Variants in RAP1GAP2 observed in about 807,000 individuals in gnomAD.
The protein encoded by RAP1GAP2 is rap1 GTPase-activating protein 2.
Under a neutral mutation model 95.0 loss-of-function variants are expected in RAP1GAP2, and 27 were observed. The ratio of observed to expected loss-of-function variants is 0.28; its 90% confidence interval spans 0.21 to 0.39. The LOEUF is 0.39. Ranked by LOEUF, RAP1GAP2 falls within the 10% of genes least tolerant of loss-of-function variation. RAP1GAP2 has a pLI of 1.00. For missense variants in RAP1GAP2, 771 were observed against 970.0 expected (o/e 0.79, Z 2.72); for synonymous variants, 373 against 380.9 (o/e 0.98, Z 0.24).
chr17:2,997,331 C>T (rs1224026577), intron 13 of RAP1GAP2, among the ~76,000 whole-genome samples: 2 of 152,190 alleles, frequency 1.3e-5, no homozygotes, highest in African/African-American at 4.8e-5. Context: ...AGGTTGCTTT[C>T]CAGCCCTGTA....
chr17:2,813,160 C>T (rs1467727103), intron 2 of RAP1GAP2, among the ~76,000 whole-genome samples: 1 of 151,634 alleles, frequency 6.6e-6, no homozygotes, highest in Non-Finnish European at 1.5e-5. Context: ...CAACCTCCGC[C>T]TCCCAGGTTC....
intron 3 of RAP1GAP2, among the ~76,000 whole-genome samples, chr17:2,934,867 T>C (rs1486285472): frequency 2.0e-5 from 3 of 152,204 alleles, no homozygotes; most frequent in Admixed American, 1.3e-4. Flanking sequence ...GTGTGCAGTT[T>C]AGAGGAAAGA....
intron 14 of RAP1GAP2, among the ~76,000 whole-genome samples, chr17:3,002,350 G>A (rs890052674): frequency 1.3e-5 from 2 of 152,226 alleles, no homozygotes; most frequent in African/African-American, 4.8e-5. Flanking sequence ...CGGAGGAGCA[G>A]GCTGTGGTAC....
Position 2,965,700 on chromosome 17 carries a change from G to C in RAP1GAP2, c.596+57G>C. 7.6e-7 allele frequency: 1 copy of C among 1,310,364 alleles called. No individual in the cohort carries two copies. Among genetic ancestry groups the C allele is most frequent in the South Asian group, 1.3e-5 (1 of 79,818 alleles). The allele number at this position is 1,310,364 out of a possible 1,614,324, so 81.2% of individuals were successfully genotyped here. A position where few individuals can be genotyped will look rare whatever the true frequency, so the allele number is the denominator to read the frequency against. On this transcript the variant is annotated intron_variant, in intron 8 of 24. Transcript: ENST00000254695. The surrounding 1 kb of genome is among the most constrained non-coding windows in gnomAD (Gnocchi z 4.7). ...TCTTCCAGGCAGGGCTCTCATCGGT[G>C]GTGTGGGGGCTGGGATGGGACTCAG...
chr17:3,014,277 G>GT (rs2046679366), intron 17 of RAP1GAP2, among the ~76,000 whole-genome samples: 1 of 152,248 alleles, frequency 6.6e-6, no homozygotes, highest in African/African-American at 2.4e-5. Flanking sequence ...TTACAAAGCT[G>GT]TGCAGCAGGT....
chr17:2,920,148 G>A (rs1008207120), intron 3 of RAP1GAP2, among the ~76,000 whole-genome samples: 1 of 152,104 alleles, frequency 6.6e-6, no homozygotes, highest in African/African-American at 2.4e-5. Flanking sequence ...GGGACCACAG[G>A]TGTGCACCAC....
At chr17:2,770,243 G>A in intron 1 of RAP1GAP2, 1 of 398,110 alleles carries the variant, frequency 2.5e-6, no homozygotes, top group East Asian at 3.6e-5. Context: ...GTACCCCTCA[G>A]CAATTCTCCG....
intron 17 of RAP1GAP2, among the ~76,000 whole-genome samples, chr17:3,015,643 G>T (rs1256325089): frequency 6.6e-6 from 1 of 151,932 alleles, no homozygotes; most frequent in Admixed American, 6.6e-5. Context: ...ACAGTGAACC[G>T]CCATCTCTAC....
intron 2 of RAP1GAP2, among the ~76,000 whole-genome samples, chr17:2,877,823 A>G (rs1297452463): frequency 6.6e-6 from 1 of 152,154 alleles, no homozygotes; most frequent in Non-Finnish European, 1.5e-5. Context: ...AGCCATTTCA[A>G]GGCCTTAGAT....
At chr17:2,978,987 G>A (rs1376171591) in intron 8 of RAP1GAP2, among the ~76,000 whole-genome samples, 1 of 133,052 alleles carries the variant, frequency 7.5e-6, no homozygotes. Context: ...GTCTCAAATA[G>A]ATAAATAAAT....
At chr17:2,767,993 A>C (rs546014033) in intron 1 of RAP1GAP2, among the ~76,000 whole-genome samples, 2 of 152,088 alleles carry the variant, frequency 1.3e-5, no homozygotes, top group Non-Finnish European at 2.9e-5. Flanking sequence ...CGGCCTCCCA[A>C]AGTGCTGGGA....
intron 3 of RAP1GAP2, among the ~76,000 whole-genome samples, chr17:2,914,544 G>C (rs990308441): frequency 2.0e-5 from 3 of 152,090 alleles, no homozygotes; most frequent in Non-Finnish European, 4.4e-5. Flanking sequence ...AGGCTGGAGT[G>C]CAGTGGCCCG....
At position 2,870,567 on chromosome 17, in the gene RAP1GAP2, A is replaced by T. The variant is rs2072802242; in HGVS notation, c.81-34717A>T. On this transcript the variant is annotated intron_variant, in intron 2 of 24. Coordinates refer to ENST00000254695, the MANE Select transcript of RAP1GAP2 (RefSeq NM_015085.5). This position sits in a 1 kb window ranked among gnomAD's most constrained non-coding sequence, Gnocchi z 4.4. ...GACTGTAGAGATATTAACGTTTAATATTTTTTTTGTGGTCTTTTTTTTCTA... is the reference window on the plus strand; with the variant it reads ...GACTGTAGAGATATTAACGTTTAATTTTTTTTTTGTGGTCTTTTTTTTCTA... Among the ~76,000 whole-genome samples the T allele has an allele frequency of 1.3e-5, 2 of 152,078 alleles. No homozygotes were observed. Among genetic ancestry groups the T allele is most frequent in the Non-Finnish European group, 2.9e-5 (2 of 68,000 alleles).
intron 2 of RAP1GAP2, among the ~76,000 whole-genome samples, chr17:2,806,353 G>C (rs1003651408): frequency 2.2e-5 from 3 of 139,268 alleles, no homozygotes; most frequent in African/African-American, 8.6e-5. Flanking sequence ...CAGGAAGCTT[G>C]ATTTCTTCTC....
At chr17:2,850,146 A>T (rs1029828924) in intron 2 of RAP1GAP2, among the ~76,000 whole-genome samples, 2 of 150,630 alleles carry the variant, frequency 1.3e-5, no homozygotes, top group Non-Finnish European at 3.0e-5. Context: ...GATTACAGGC[A>T]CCCGCCACCA....
intron 14 of RAP1GAP2, among the ~76,000 whole-genome samples, chr17:3,000,137 CG>C (rs1355557922): frequency 6.6e-6 from 1 of 152,100 alleles, no homozygotes; most frequent in Non-Finnish European, 1.5e-5. Flanking sequence ...TTAGTAGAGA[CG>C]GGGTTTCTCC....
At chr17:2,986,330 A>G (rs771401133) in intron 11 of RAP1GAP2, among the ~76,000 whole-genome samples, 2 of 152,198 alleles carry the variant, frequency 1.3e-5, no homozygotes, top group Non-Finnish European at 2.9e-5. Context: ...TTCACATATT[A>G]CATTTTTATT....
intron 2 of RAP1GAP2, among the ~76,000 whole-genome samples, chr17:2,877,359 G>T (rs535539304): frequency 6.6e-6 from 1 of 152,168 alleles, no homozygotes; most frequent in Non-Finnish European, 1.5e-5. Context: ...GCCTCCCTGC[G>T]GCCATGTTTT....
At chr17:2,944,412 G>A (rs898179771) in intron 3 of RAP1GAP2, among the ~76,000 whole-genome samples, 3 of 152,172 alleles carry the variant, frequency 2.0e-5, no homozygotes, top group African/African-American at 4.8e-5. Flanking sequence ...CCCTAGGATT[G>A]GTCTTGGCAA....
Sources: gnomAD v4.1 joint callset for allele counts (sites outside exome capture counted in the v4.1 genomes callset) on GRCh38, gnomAD v4.1.1 for gene constraint, Gnocchi (gnomAD v3.1) non-coding constraint, MANE v1.5 for transcripts, NCBI Gene and HGNC (gene_info 2026-07-23, HGNC 2026-07-21) for gene names.